ATXN1: variants seen among roughly 807,000 people sequenced by gnomAD.
ATXN1 encodes the protein ataxin 1, also known as ataxin-1.
In ATXN1, 8 loss-of-function variants were observed where a neutral mutation model predicts 56.4. That is an observed-to-expected ratio of 0.14 (90% CI 0.08 to 0.26). The LOEUF (loss-of-function observed/expected upper bound fraction) is 0.26. Ranked by LOEUF, ATXN1 falls within the 10% of genes least tolerant of loss-of-function variation. The pLI is 1.00. For synonymous variants in ATXN1, 514 were observed against 494.6 expected (o/e 1.04, Z -0.52); for missense variants, 987 against 1,106.5 (o/e 0.89, Z 1.53).
intron 6 of ATXN1, among the ~76,000 whole-genome samples, chr6:16,334,779 C>T (rs956249136): frequency 2.6e-5 from 4 of 152,062 alleles, no homozygotes; most frequent in African/African-American, 9.7e-5. Context: ...ATAGATGGCA[C>T]GGGTAAAGCC....
chr6:16,413,793 G>T (rs1378819913), intron 6 of ATXN1, among the ~76,000 whole-genome samples: 1 of 152,070 alleles, frequency 6.6e-6, no homozygotes, highest in East Asian at 1.9e-4. Flanking sequence ...ATATAATTTT[G>T]ATTTCCATCA....
intron 6 of ATXN1, among the ~76,000 whole-genome samples, chr6:16,465,246 A>C (rs1049403868): frequency 1.3e-5 from 2 of 152,126 alleles, no homozygotes; most frequent in African/African-American, 4.8e-5. Flanking sequence ...GTTGATCACC[A>C]AAGGGCAGGA....
chr6:16,612,889 TAAA>T (rs754223145), intron 3 of ATXN1, among the ~76,000 whole-genome samples: 6 of 129,496 alleles, frequency 4.6e-5, no homozygotes, highest in Admixed American at 7.8e-5. Flanking sequence ...GACTCTGTCT[TAAA>T]AAAAAAAAAA....
chr6:16,541,849 G>A (rs1157513405), intron 4 of ATXN1, among the ~76,000 whole-genome samples: 2 of 152,186 alleles, frequency 1.3e-5, no homozygotes, highest in African/African-American at 4.8e-5. Flanking sequence ...AAGCTACGCA[G>A]TGGCACAACT....
In ATXN1 at chr6:16,400,380, C is replaced by A. The variant is rs556422723; in HGVS notation, c.-160-71910G>T. On this transcript the variant is annotated intron_variant, in intron 6 of 7. Transcript: ENST00000436367. ...CAAGCCCCTGTTCAGGGCTCCGTGG[C>A]TACTTCCTCTATCCTCATTCGAAAA... is the stretch of plus-strand genomic sequence containing the variant. 3.3e-5 allele frequency among the ~76,000 whole-genome samples: 5 copies of A among 152,124 alleles called. No homozygotes were observed. In the South Asian group the frequency reaches 6.2e-4, roughly 19 times the overall value.
intron 3 of ATXN1, among the ~76,000 whole-genome samples, chr6:16,593,818 A>G (rs975313563): frequency 1.4e-5 from 2 of 146,296 alleles, no homozygotes; most frequent in Admixed American, 7.0e-5. Flanking sequence ...GAAGCAAAAA[A>G]TTATATATAT....
intron 6 of ATXN1, among the ~76,000 whole-genome samples, chr6:16,431,266 T>A (rs927512002): frequency 1.2e-4 from 18 of 152,062 alleles, no homozygotes; most frequent in Non-Finnish European, 2.1e-4. Context: ...AAAATATACA[T>A]CTCTTTTATT....
chr6:16,736,662 G>A (rs999844271), intron 2 of ATXN1, among the ~76,000 whole-genome samples: 7 of 152,156 alleles, frequency 4.6e-5, no homozygotes, highest in South Asian at 2.1e-4. Context: ...GTGTCTGCAC[G>A]TATATCGCAA....
chr6:16,322,981 G>A (rs192969806), intron 7 of ATXN1, among the ~76,000 whole-genome samples: 422 of 152,248 alleles, frequency 2.8e-3, no homozygotes, highest in African/African-American at 9.5e-3. Flanking sequence ...AGCCCTTCCC[G>A]GCATGCAGCA....
chr6:16,536,012 A>G (rs1041699077), intron 4 of ATXN1, among the ~76,000 whole-genome samples: 1 of 151,962 alleles, frequency 6.6e-6, no homozygotes, highest in Non-Finnish European at 1.5e-5. Context: ...GAAGTTTGAC[A>G]CCAGCCTGGC....
intron 6 of ATXN1, among the ~76,000 whole-genome samples, chr6:16,443,423 T>C (rs1018584820): frequency 6.6e-6 from 1 of 152,134 alleles, no homozygotes; most frequent in African/African-American, 2.4e-5. Flanking sequence ...TTCAAAAGCC[T>C]CTTAGGAAGT....
chr6:16,391,180 A>G (rs1024738510), intron 6 of ATXN1, among the ~76,000 whole-genome samples: 2 of 151,044 alleles, frequency 1.3e-5, no homozygotes, highest in Non-Finnish European at 3.0e-5. Flanking sequence ...AAAAAAAAAA[A>G]AAAAGTTATG....
chr6:16,672,430 T>C (rs1001367463), intron 2 of ATXN1, among the ~76,000 whole-genome samples: 1 of 152,224 alleles, frequency 6.6e-6, no homozygotes, highest in African/African-American at 2.4e-5. Flanking sequence ...CCTTGGAGTC[T>C]GTGGTAGGCA....
At chr6:16,344,109 C>T (rs1761320338) in intron 6 of ATXN1, among the ~76,000 whole-genome samples, 1 of 152,220 alleles carries the variant, frequency 6.6e-6, no homozygotes, top group Non-Finnish European at 1.5e-5. Context: ...GTCTCTCCTT[C>T]CATGTCACCT....
At chr6:16,610,858 T>TAAA (rs10719124) in intron 3 of ATXN1, among the ~76,000 whole-genome samples, 1 of 136,344 alleles carries the variant, frequency 7.3e-6, no homozygotes, top group Non-Finnish European at 1.6e-5. Context: ...ACGTCATCTA[T>TAAA]AAAAAAAAAA....
At position 16,754,790 on chromosome 6, in the gene ATXN1, GT is replaced by G. The variant is rs890852264; in HGVS notation, c.-729-1444del. On this transcript the variant is annotated intron_variant, in intron 1 of 7. Coordinates refer to ENST00000436367, the MANE Select transcript of ATXN1 (RefSeq NM_001128164.2). Reference sequence around the variant, plus strand: ...AAGGTAAGCTGTTATACACTATAAGGTCTTTCAGATCTTTAGAAGGCACAGT... The same window carrying G: ...AAGGTAAGCTGTTATACACTATAAGGCTTTCAGATCTTTAGAAGGCACAGT... The G allele has an allele frequency of 3.3e-4, 51 of 152,258 alleles. 1 individual carries two copies. Among genetic ancestry groups the G allele is most frequent in the African/African-American group, 1.2e-3 (48 of 41,552 alleles). 9.4% of individuals were successfully genotyped at this position (152,258 alleles called of 1,614,324 possible). A position where few individuals can be genotyped will look rare whatever the true frequency, so the allele number is the denominator to read the frequency against.
At chr6:16,463,244 T>C (rs1760035817) in intron 6 of ATXN1, among the ~76,000 whole-genome samples, 1 of 152,176 alleles carries the variant, frequency 6.6e-6, no homozygotes, top group Non-Finnish European at 1.5e-5. Context: ...GGCATATTCT[T>C]ATGTGGAACT....
chr6:16,346,813 A>G (rs1487367959), intron 6 of ATXN1, among the ~76,000 whole-genome samples: 1 of 152,148 alleles, frequency 6.6e-6, no homozygotes, highest in Non-Finnish European at 1.5e-5. Flanking sequence ...CCGCCGCTGC[A>G]CTGTGGGACC....
At chr6:16,596,041 C>A (rs1354867142) in intron 3 of ATXN1, among the ~76,000 whole-genome samples, 1 of 152,112 alleles carries the variant, frequency 6.6e-6, no homozygotes, top group Non-Finnish European at 1.5e-5. Context: ...GCTCTGTCAC[C>A]CAGGCTGTGC....
Sources: gnomAD v4.1 joint callset for allele counts (sites outside exome capture counted in the v4.1 genomes callset) on GRCh38, gnomAD v4.1.1 for gene constraint, MANE v1.5 for transcripts, NCBI Gene and HGNC (gene_info 2026-07-23, HGNC 2026-07-21) for gene names.